Variants in COL24A1 observed in about 807,000 individuals in gnomAD.
The protein encoded by COL24A1 is collagen type XXIV alpha 1 chain.
Under a neutral mutation model 253.9 loss-of-function variants are expected in COL24A1, and 224 were observed. The ratio of observed to expected loss-of-function variants is 0.88; its 90% confidence interval spans 0.79 to 0.99. COL24A1 has a LOEUF of 0.99. Among genes scored for constraint, COL24A1 ranks in the 50% least tolerant of loss-of-function variants. COL24A1 has a pLI of 0.00. For synonymous variants in COL24A1, 685 were observed against 673.7 expected (o/e 1.02, Z -0.26); for missense variants, 2,131 against 2,068.5 (o/e 1.03, Z -0.59).
chr1:86,057,844 G>C, intron 10 of COL24A1, 87 bp downstream of exon 10: 2 of 1,170,740 alleles, frequency 1.7e-6, no homozygotes, highest in Non-Finnish European at 2.5e-6. Flanking sequence ...AAGCTACTAA[G>C]AGAGTGTAAA....
At chr1:86,144,739 T>C (rs1396190148) in intron 2 of COL24A1, among the ~76,000 whole-genome samples, 1 of 152,096 alleles carries the variant, frequency 6.6e-6, no homozygotes, top group Non-Finnish European at 1.5e-5. Flanking sequence ...CATTAAGCTT[T>C]TACTTGGAGG....
intron 12 of COL24A1, 146 bp from the exon 13 acceptor site, chr1:86,034,069 T>A: frequency 1.9e-6 from 1 of 527,116 alleles, no homozygotes; most frequent in Non-Finnish European, 3.2e-6. Flanking sequence ...ATAACACGCT[T>A]AATTGATTTT....
intron 53 of COL24A1, among the ~76,000 whole-genome samples, chr1:85,775,350 GA>G (rs1668428980): frequency 6.6e-6 from 1 of 152,172 alleles, no homozygotes; most frequent in African/African-American, 2.4e-5. Flanking sequence ...ATATTCTGTT[GA>G]TTTGGGGTGG....
chr1:85,783,338 C>T (rs1669329267), intron 51 of COL24A1, among the ~76,000 whole-genome samples, 158 bp downstream of exon 51: 1 of 151,148 alleles, frequency 6.6e-6, no homozygotes, highest in Non-Finnish European at 1.5e-5. Context: ...AATATATGAA[C>T]TGCAAAAGAT....
At chr1:85,973,325 T>C (rs1236719929) in intron 20 of COL24A1, among the ~76,000 whole-genome samples, 2 of 152,158 alleles carry the variant, frequency 1.3e-5, no homozygotes, top group Non-Finnish European at 2.9e-5. Flanking sequence ...TCCCAATGAA[T>C]TCATAATTTA....
intron 20 of COL24A1, among the ~76,000 whole-genome samples, chr1:85,971,931 AGT>A (rs1449817898): frequency 6.6e-6 from 1 of 152,194 alleles, no homozygotes; most frequent in Non-Finnish European, 1.5e-5. Flanking sequence ...GAAGAAAGTG[AGT>A]GTGAATTTGA....
intron 37 of COL24A1, among the ~76,000 whole-genome samples, chr1:85,857,470 A>T (rs1385124550): frequency 1.3e-5 from 2 of 151,476 alleles, no homozygotes; most frequent in African/African-American, 2.4e-5. Flanking sequence ...AAAAAAAAAA[A>T]AAAGAAAAAA....
chr1:85,771,284 A>G (rs1249725853), intron 53 of COL24A1, among the ~76,000 whole-genome samples: 2 of 151,274 alleles, frequency 1.3e-5, no homozygotes, highest in African/African-American at 4.9e-5. Flanking sequence ...CCGGTGTGTG[A>G]TGTTCCTCTC....
At chr1:85,835,872 C>T (rs535941744) in intron 43 of COL24A1, among the ~76,000 whole-genome samples, 11 of 152,166 alleles carry the variant, frequency 7.2e-5, no homozygotes, top group South Asian at 2.1e-4. Context: ...TATGGCATCT[C>T]GGAATATTGA....
At chr1:85,846,447 T>C (rs1359697277) in intron 39 of COL24A1, among the ~76,000 whole-genome samples, 1 of 151,874 alleles carries the variant, frequency 6.6e-6, no homozygotes, top group East Asian at 1.9e-4. Flanking sequence ...AATTAAAAGA[T>C]AAATTGCAGA....
intron 3 of COL24A1, among the ~76,000 whole-genome samples, chr1:86,117,322 T>C (rs1158661295): frequency 2.0e-5 from 3 of 152,188 alleles, no homozygotes; most frequent in Non-Finnish European, 4.4e-5. Context: ...AGGGAGTTAG[T>C]TCATTTTCCT....
intron 8 of COL24A1, among the ~76,000 whole-genome samples, chr1:86,062,650 C>A (rs958172237): frequency 6.6e-6 from 1 of 152,110 alleles, no homozygotes; most frequent in African/African-American, 2.4e-5. Flanking sequence ...CAGTAACCTA[C>A]AATTTTTTTC....
In COL24A1 at chr1:85,970,156, T is replaced by C. The variant is rs187476242; in HGVS notation, c.2463+71A>G. ...TTTACTATAATGTAAAATGTTATGA[T>C]GTTAAAAACATTTATAGAACAGCTA... On this transcript the variant is annotated intron_variant, in intron 22 of 59. Coordinates refer to ENST00000370571, the MANE Select transcript of COL24A1 (RefSeq NM_152890.7). The C allele has an allele frequency of 2.3e-4, 298 of 1,309,212 alleles. 1 individual carries two copies. The African/African-American group carries it at 3.4e-3, about 15-fold the overall frequency. The allele number at this position is 1,309,212 out of a possible 1,614,324, so 81.1% of individuals were successfully genotyped here. A position where few individuals can be genotyped will look rare whatever the true frequency, so the allele number is the denominator to read the frequency against.
intron 37 of COL24A1, among the ~76,000 whole-genome samples, chr1:85,859,935 T>C (rs536103260): frequency 1.3e-5 from 2 of 152,170 alleles, no homozygotes; most frequent in South Asian, 2.1e-4. Flanking sequence ...CTGAGCAACA[T>C]AGCAAGACCG....
intron 23 of COL24A1, among the ~76,000 whole-genome samples, chr1:85,961,747 G>A (rs1262384634): frequency 1.3e-5 from 2 of 152,152 alleles, no homozygotes; most frequent in Non-Finnish European, 2.9e-5. Context: ...GAAGGTAAAG[G>A]GGAAGCAAGC....
chr1:86,017,019 C>T (rs1318600576), intron 19 of COL24A1, 132 bp downstream of exon 19: 4 of 848,956 alleles, frequency 4.7e-6, no homozygotes, highest in Non-Finnish European at 7.1e-6. Flanking sequence ...AAATGTAGTC[C>T]AAACTATTTA....
intron 10 of COL24A1, among the ~76,000 whole-genome samples, chr1:86,053,446 G>A (rs1466906698): frequency 1.3e-5 from 2 of 152,126 alleles, no homozygotes; most frequent in East Asian, 1.9e-4. Context: ...TCATTACACT[G>A]ATTCTAACAG....
intron 19 of COL24A1, among the ~76,000 whole-genome samples, chr1:86,004,005 G>A (rs577829118): frequency 2.0e-4 from 30 of 152,262 alleles, no homozygotes; most frequent in Non-Finnish European, 4.1e-4. Context: ...CAAATGAATG[G>A]AGAAGACATG....
At chr1:86,007,017 G>T (rs1223761467) in intron 19 of COL24A1, among the ~76,000 whole-genome samples, 3 of 151,916 alleles carry the variant, frequency 2.0e-5, no homozygotes, top group African/African-American at 7.3e-5. Context: ...TTTGAGACCA[G>T]CCTGGGCAAC....
Sources: gnomAD v4.1 joint callset for allele counts (sites outside exome capture counted in the v4.1 genomes callset) on GRCh38, gnomAD v4.1.1 for gene constraint, MANE v1.5 for transcripts, NCBI Gene and HGNC (gene_info 2026-07-23, HGNC 2026-07-21) for gene names.